The following DIAPH2 variants were observed in gnomAD, a reference collection of about 807,000 sequenced individuals.
DIAPH2 encodes diaphanous related formin 2.
Under a neutral mutation model 92.7 loss-of-function variants are expected in DIAPH2, and 35 were observed. That is an observed-to-expected ratio of 0.38 (90% CI 0.29 to 0.50). The LOEUF is 0.50. Among genes scored for constraint, DIAPH2 ranks in the 20% least tolerant of loss-of-function variants. The pLI is 0.94. For missense variants in DIAPH2, 701 were observed against 819.5 expected (o/e 0.86, Z 1.77); for synonymous variants, 301 against 280.4 (o/e 1.07, Z -0.73).
intron 25 of DIAPH2, among the ~76,000 whole-genome samples, chrX:97,411,470 G>A (rs192777018): frequency 3.1e-4 from 35 of 111,877 alleles, no homozygotes; most frequent in African/African-American, 9.7e-4. Flanking sequence ...AAAGACCATC[G>A]AGGCTAGGAA....
chrX:97,213,338 A>G (rs890532551), intron 22 of DIAPH2, among the ~76,000 whole-genome samples: 35 of 111,483 alleles, frequency 3.1e-4, no homozygotes, highest in African/African-American at 1.1e-3. Flanking sequence ...TTCCCTTTCT[A>G]TGCTATTCAT....
intron 4 of DIAPH2, among the ~76,000 whole-genome samples, chrX:96,805,638 G>T (rs1413663895): frequency 9.0e-6 from 1 of 110,857 alleles, no homozygotes; most frequent in Non-Finnish European, 1.9e-5. Flanking sequence ...CTCTCACTGG[G>T]GTACCTACCA....
chrX:97,067,000 T>C (rs1223448311), intron 17 of DIAPH2, among the ~76,000 whole-genome samples: 1 of 111,682 alleles, frequency 9.0e-6, no homozygotes, highest in Non-Finnish European at 1.9e-5. Flanking sequence ...TATGCAGGTG[T>C]CAGAATGAAA....
intron 26 of DIAPH2, among the ~76,000 whole-genome samples, chrX:97,561,342 G>A (rs1400862210): frequency 8.9e-6 from 1 of 112,410 alleles, no homozygotes; most frequent in African/African-American, 3.2e-5. Flanking sequence ...ATCATCCACT[G>A]TGATGCATTT....
At chrX:96,794,959 AGTGTAACTCTTCTCT>A (rs757241692) in intron 4 of DIAPH2, among the ~76,000 whole-genome samples, 118 of 111,720 alleles carry the variant, frequency 1.1e-3, no homozygotes, top group Middle Eastern at 4.6e-3. Context: ...TGCTTTTCCT[AGTGTAACTCTTCTCT>A]GTATGTCTTT....
At chrX:97,356,935 C>G (rs1239239486) in intron 24 of DIAPH2, among the ~76,000 whole-genome samples, 2 of 111,468 alleles carry the variant, frequency 1.8e-5, no homozygotes, top group Non-Finnish European at 3.8e-5. Context: ...GAATTTTACC[C>G]TTTAAAAATC....
At chrX:96,955,983 C>T (rs773300637) in intron 15 of DIAPH2, among the ~76,000 whole-genome samples, 1 of 112,626 alleles carries the variant, frequency 8.9e-6, no homozygotes, top group African/African-American at 3.2e-5. Flanking sequence ...TAGGCAATGC[C>T]CCAGTGGGGA....
At chrX:97,251,103 A>G (rs988205767) in intron 23 of DIAPH2, among the ~76,000 whole-genome samples, 11 of 111,833 alleles carry the variant, frequency 9.8e-5, no homozygotes, top group African/African-American at 3.6e-4. Context: ...ATTAGATGGT[A>G]TAGGAGAGAA....
chrX:96,837,433 C>G (rs12395737), intron 4 of DIAPH2, among the ~76,000 whole-genome samples: 2,999 of 41,192 alleles, frequency 0.073, 101 homozygotes, highest in Middle Eastern at 0.14. Context: ...CTCTCTCTCT[C>G]TGTGTGTGTG....
At chrX:97,142,459 G>C (rs964248181) in intron 22 of DIAPH2, among the ~76,000 whole-genome samples, 3 of 111,505 alleles carry the variant, frequency 2.7e-5, no homozygotes, top group African/African-American at 9.8e-5. Flanking sequence ...TCTGAGGCTG[G>C]AGCAGTAAGG....
At chrX:96,751,094 T>A (rs2064183946) in intron 3 of DIAPH2, among the ~76,000 whole-genome samples, 1 of 112,123 alleles carries the variant, frequency 8.9e-6, no homozygotes, top group Non-Finnish European at 1.9e-5. Context: ...TGAATGAGAA[T>A]ACAAATGAAT....
chrX:97,185,482 T>C lies in DIAPH2; in HGVS notation c.2719+43688T>C, dbSNP rs1488711690. On this transcript the variant is annotated intron_variant, in intron 22 of 26. Coordinates refer to ENST00000324765, the MANE Select transcript of DIAPH2 (RefSeq NM_006729.5). ...ATATATATATATATACACATATATA[T>C]ATATATATATATATATATATATATA... 8.1e-3 allele frequency among the ~76,000 whole-genome samples: 69 copies of C among 8,469 alleles called. 5 individuals are homozygous for C. Among genetic ancestry groups the C allele is most frequent in the African/African-American group, 0.015 (63 of 4,107 alleles). The allele number at this position is 8,469 out of a possible 115,157, so 7.4% of individuals were successfully genotyped here.
chrX:97,046,915 T>A (rs1013070121), intron 17 of DIAPH2, among the ~76,000 whole-genome samples: 20 of 110,805 alleles, frequency 1.8e-4, no homozygotes, highest in African/African-American at 6.6e-4. Context: ...GTGATTGAAT[T>A]GAGATTTGGG....
intron 25 of DIAPH2, among the ~76,000 whole-genome samples, chrX:97,411,994 T>C (rs2069879828): frequency 9.0e-6 from 1 of 111,351 alleles, no homozygotes; most frequent in Admixed American, 9.5e-5. Context: ...GACAGATCAA[T>C]GAGACAGAAG....
chrX:97,062,567 A>G (rs1207031933), intron 17 of DIAPH2, among the ~76,000 whole-genome samples: 2 of 111,674 alleles, frequency 1.8e-5, no homozygotes, highest in African/African-American at 6.5e-5. Flanking sequence ...GTAGTATAAC[A>G]GGATAATAGA....
intron 4 of DIAPH2, among the ~76,000 whole-genome samples, chrX:96,801,179 T>C (rs1351442623): frequency 1.8e-5 from 2 of 112,479 alleles, no homozygotes; most frequent in African/African-American, 6.4e-5. Context: ...CATCATTGTT[T>C]TGTTGCATAT....
At chrX:97,235,714 A>T (rs903011066) in intron 22 of DIAPH2, among the ~76,000 whole-genome samples, 8 of 110,243 alleles carry the variant, frequency 7.3e-5, no homozygotes, top group African/African-American at 2.6e-4. Flanking sequence ...ACGGTGTCCT[A>T]CAAGACCCTA....
intron 26 of DIAPH2, among the ~76,000 whole-genome samples, chrX:97,593,265 A>G: frequency 9.0e-6 from 1 of 111,601 alleles, no homozygotes; most frequent in African/African-American, 3.3e-5. Context: ...ATATGGAATA[A>G]TCTCAATGTC....
intron 24 of DIAPH2, among the ~76,000 whole-genome samples, chrX:97,362,526 A>G (rs752950841): frequency 8.9e-6 from 1 of 112,509 alleles, no homozygotes; most frequent in South Asian, 3.7e-4. Flanking sequence ...GCTAGAATAT[A>G]CTTACACAAG....
Sources: allele counts gnomAD v4.1 joint callset (sites outside exome capture counted in the v4.1 genomes callset), GRCh38; gene constraint gnomAD v4.1.1; transcripts MANE v1.5; gene names NCBI Gene and HGNC (gene_info 2026-07-23, HGNC 2026-07-21).